The following LMF1 variants were observed in gnomAD, a reference collection of about 807,000 sequenced individuals.
The protein encoded by LMF1 is transmembrane protein 112.
In LMF1, 68 loss-of-function variants were observed where a neutral mutation model predicts 60.6. That is an observed-to-expected ratio of 1.12 (90% CI 0.92 to 1.37). LMF1 has a LOEUF of 1.37. Among genes scored for constraint, LMF1 ranks in the 40% most tolerant of loss-of-function variants. LMF1 has a pLI of 0.00. For synonymous variants in LMF1, 418 were observed against 324.7 expected (o/e 1.29, Z -3.09); for missense variants, 948 against 767.2 (o/e 1.24, Z -2.78).
chr16:929,835 G>C (rs566637043), intron 3 of LMF1, among the ~76,000 whole-genome samples: 12 of 152,270 alleles, frequency 7.9e-5, no homozygotes, highest in Non-Finnish European at 1.5e-4. Flanking sequence ...CTGCTCAGCA[G>C]TCACGTCCGT....
At chr16:857,276 T>A (rs535554357) in intron 10 of LMF1, among the ~76,000 whole-genome samples, 2 of 152,264 alleles carry the variant, frequency 1.3e-5, no homozygotes, top group Non-Finnish European at 2.9e-5. Context: ...TAAACGTCCA[T>A]GGAAGCAGCT....
At position 916,488 on chromosome 16, in the gene LMF1, C is replaced by A. The variant is rs115946755; in HGVS notation, c.515-5409G>T. On this transcript the variant is annotated intron_variant, in intron 3 of 10. Coordinates refer to ENST00000262301, the MANE Select transcript of LMF1 (RefSeq NM_022773.4). ...GCTGAAAAGTTATGAAATAGCACTG[C>A]AAATCTTACTTTGCACTATCACGGA... Among the ~76,000 whole-genome samples the A allele has an allele frequency of 5.6e-3, 850 of 152,350 alleles. 11 individuals are homozygous for A. Among genetic ancestry groups the A allele is most frequent in the African/African-American group, 0.02 (815 of 41,570 alleles).
chr16:970,185 C>T (rs890087093), intron 1 of LMF1, among the ~76,000 whole-genome samples: 2 of 152,234 alleles, frequency 1.3e-5, no homozygotes, highest in African/African-American at 4.8e-5. Context: ...CCAGTCTGGC[C>T]ACCAGCCAGT....
At chr16:917,342 CGGG>C (rs2071309416) in intron 3 of LMF1, among the ~76,000 whole-genome samples, 2 of 94,406 alleles carry the variant, frequency 2.1e-5, no homozygotes, top group Non-Finnish European at 4.0e-5. Flanking sequence ...GTGTGCACTG[CGGG>C]TGGGCGCAGG....
At chr16:863,239 C>T (rs1045259027) in intron 10 of LMF1, among the ~76,000 whole-genome samples, 8 of 152,166 alleles carry the variant, frequency 5.3e-5, no homozygotes, top group Non-Finnish European at 7.3e-5. Context: ...AGTCTCGGCT[C>T]GAGCAATTCT....
intron 10 of LMF1, among the ~76,000 whole-genome samples, chr16:856,433 C>T (rs1243368941): frequency 6.6e-6 from 1 of 152,202 alleles, no homozygotes; most frequent in Non-Finnish European, 1.5e-5. Context: ...CTCTCCTGGG[C>T]CTTGCTAGGG....
intron 1 of LMF1, chr16:980,158 AGGTGACACG>A (rs1162285465): frequency 4.5e-6 from 1 of 222,718 alleles, no homozygotes; most frequent in Non-Finnish European, 9.1e-6. Context: ...CCCTCCGGGC[AGGTGACACG>A]GCCCTTGCTC....
chr16:978,013 ACAC>A (rs1416138624), intron 1 of LMF1, among the ~76,000 whole-genome samples: 23 of 139,038 alleles, frequency 1.7e-4, no homozygotes, highest in East Asian at 4.2e-4. Context: ...CACCACACAC[ACAC>A]ATCATACACA....
At chr16:927,791 G>A (rs1294814680) in intron 3 of LMF1, among the ~76,000 whole-genome samples, 1 of 152,326 alleles carries the variant, frequency 6.6e-6, no homozygotes, top group African/African-American at 2.4e-5. Context: ...TTTAAAGCAC[G>A]AATTTAAGAG....
intron 10 of LMF1, among the ~76,000 whole-genome samples, chr16:860,643 G>A (rs2069434738): frequency 6.6e-6 from 1 of 152,174 alleles, no homozygotes; most frequent in South Asian, 2.1e-4. Context: ...GCCTGGCCCT[G>A]AAAGTTGATT....
intron 10 of LMF1, among the ~76,000 whole-genome samples, chr16:857,404 T>C (rs1297144505): frequency 6.6e-6 from 1 of 152,264 alleles, no homozygotes; most frequent in African/African-American, 2.4e-5. Flanking sequence ...TTGCTACTTT[T>C]ATTCCAGCCG....
intron 4 of LMF1, chr16:898,833 G>A (rs953338528): frequency 6.6e-6 from 1 of 152,234 alleles, no homozygotes; most frequent in African/African-American, 2.4e-5. Context: ...ATCAGACAGA[G>A]CAGATTTTGG....
At chr16:941,987 T>C (rs1392127985) in intron 2 of LMF1, among the ~76,000 whole-genome samples, 1 of 152,250 alleles carries the variant, frequency 6.6e-6, no homozygotes, top group Non-Finnish European at 1.5e-5. Flanking sequence ...CCATGTCCAG[T>C]GGATTTTACT....
upstream of LMF1, among the ~76,000 whole-genome samples, chr16:972,727 C>T (rs974422274): frequency 5.3e-5 from 8 of 152,218 alleles, no homozygotes; most frequent in South Asian, 2.1e-4. Flanking sequence ...CTGCTCTCCC[C>T]GCGAAGGGCA....
In LMF1 at chr16:854,723, G is replaced by A; in HGVS notation, c.1530-17C>T. 1 of 1,570,992 alleles carries A rather than the reference G, an allele frequency of 6.4e-7. No homozygotes were observed. The highest frequency in any genetic ancestry group is 8.6e-7 in the Non-Finnish European group (1 of 1,165,068). On this transcript the variant is annotated splice_polypyrimidine_tract_variant and intron_variant, in intron 10 of 10. Coordinates refer to ENST00000262301, the MANE Select transcript of LMF1 (RefSeq NM_022773.4). The stretch of plus-strand genomic sequence containing the variant: ...CGGACCCACCTGCAAGGGGGCACAT[G>A]TCAGCCCAGGGCCTGCTGGGACTCC...
chr16:881,381 A>G (rs973499669), intron 5 of LMF1: 3 of 152,294 alleles, frequency 2.0e-5, no homozygotes, highest in Non-Finnish European at 4.4e-5. Context: ...GCAGTGTCGC[A>G]TGCTGCAGGC....
chr16:914,633 C>T, intron 3 of LMF1, among the ~76,000 whole-genome samples: 2 of 152,138 alleles, frequency 1.3e-5, no homozygotes, highest in Admixed American at 6.5e-5. Context: ...CCATTGGTGA[C>T]ACACTCCCTC....
chr16:914,793 G>A (rs1286010177), intron 3 of LMF1, among the ~76,000 whole-genome samples: 1 of 82,062 alleles, frequency 1.2e-5, no homozygotes, highest in African/African-American at 4.8e-5. Flanking sequence ...GACCACTGGT[G>A]ACACACTCCC....
chr16:947,581 C>T lies in LMF1; in HGVS notation c.503+6776G>A, dbSNP rs527496410. On this transcript the variant is annotated intron_variant, in intron 2 of 10. Coordinates refer to ENST00000262301, the MANE Select transcript of LMF1 (RefSeq NM_022773.4). ...GGAAGGAAGCTCCAAGGGCAGCTCCCGCCACAGGAAGGAGGACCCCTGAGG... is the reference window on the plus strand; with the variant it reads ...GGAAGGAAGCTCCAAGGGCAGCTCCTGCCACAGGAAGGAGGACCCCTGAGG... 102 of 456,098 alleles carry T rather than the reference C, an allele frequency of 2.2e-4. 1 individual carries two copies. The East Asian group carries it at 5.2e-3, about 23-fold the overall frequency. The allele number at this position is 456,098 out of a possible 1,614,324, so 28.3% of individuals were successfully genotyped here. A position where few individuals can be genotyped will look rare whatever the true frequency, so the allele number is the denominator to read the frequency against.
Sources: allele counts gnomAD v4.1 joint callset (sites outside exome capture counted in the v4.1 genomes callset), GRCh38; gene constraint gnomAD v4.1.1; transcripts MANE v1.5; gene names NCBI Gene and HGNC (gene_info 2026-07-23, HGNC 2026-07-21).